Variants in NDUFAF2 observed in about 807,000 individuals in gnomAD.
The protein encoded by NDUFAF2 is NADH:ubiquinone oxidoreductase complex assembly factor 2, also known as NADH dehydrogenase [ubiquinone] 1 alpha subcomplex assembly factor 2.
In NDUFAF2, 13 loss-of-function variants were observed where a neutral mutation model predicts 22.8. The observed-to-expected ratio is 0.57, with a 90% CI of 0.37 to 0.91. NDUFAF2 has a LOEUF of 0.91. Among genes scored for constraint, NDUFAF2 ranks in the 40% least tolerant of loss-of-function variants. The pLI, the probability that NDUFAF2 is intolerant of heterozygous loss-of-function variation, is 0.01. For synonymous variants in NDUFAF2, 53 were observed against 64.2 expected (o/e 0.83, Z 0.84); for missense variants, 162 against 195.2 (o/e 0.83, Z 1.01).
At chr5:61,019,964 A>G (rs1580097778) in intron 1 of NDUFAF2, among the ~76,000 whole-genome samples, 2 of 152,232 alleles carry the variant, frequency 1.3e-5, no homozygotes, top group East Asian at 3.9e-4. Flanking sequence ...TTACAGAAAG[A>G]TTTTTGACTA....
In NDUFAF2 at chr5:61,133,257, A is replaced by G. The variant is rs78102782; in HGVS notation, c.259-19447A>G. Among the ~76,000 whole-genome samples the G allele has an allele frequency of 7.9e-3, 1,200 of 152,146 alleles. 15 individuals carry two copies. The highest frequency in any genetic ancestry group is 0.027 in the African/African-American group (1,121 of 41,506). On this transcript the variant is annotated intron_variant, in intron 3 of 3. Transcript: ENST00000296597. ...GGAATATAACCACCATTATAGCACT[A>G]TTTCTTTGGGGAAAAAAAAGTGTTT...
chr5:61,056,717 G>T (rs748873104), intron 1 of NDUFAF2, among the ~76,000 whole-genome samples: 1 of 150,584 alleles, frequency 6.6e-6, no homozygotes, highest in Non-Finnish European at 1.5e-5. Context: ...GTGAAACCCC[G>T]TCTCTACTAA....
At chr5:61,056,889 CAAAAAAAAAA>C (rs144850054) in intron 1 of NDUFAF2, among the ~76,000 whole-genome samples, 73 of 46,724 alleles carry the variant, frequency 1.6e-3, no homozygotes, top group Middle Eastern at 0.025. Context: ...ACTCTGTCTC[CAAAAAAAAAA>C]AAAAAAAAAA....
At chr5:60,978,649 C>T (rs1401670623) in intron 1 of NDUFAF2, among the ~76,000 whole-genome samples, 1 of 152,152 alleles carries the variant, frequency 6.6e-6, no homozygotes, top group Non-Finnish European at 1.5e-5. Flanking sequence ...CACCAGGTCC[C>T]ATCTCCAACA....
chr5:61,088,291 T>C (rs1752528401), intron 2 of NDUFAF2, among the ~76,000 whole-genome samples: 2 of 152,000 alleles, frequency 1.3e-5, no homozygotes, highest in South Asian at 2.1e-4. Context: ...AGCACATATA[T>C]CCCATCACCT....
In NDUFAF2 at chr5:60,973,253, G is replaced by A. The variant is rs374498057; in HGVS notation, c.127+27871G>A. On this transcript the variant is annotated intron_variant, in intron 1 of 3. Transcript: ENST00000296597. ...TCCTCAAGAAGTGTTCCTGAGTATA[G>A]AGTTCCCTGAGTTCATTCATGTCTG... Among the ~76,000 whole-genome samples the A allele has an allele frequency of 8.5e-5, 13 of 152,216 alleles. No individual in the cohort carries two copies. In the East Asian group the frequency reaches 1.5e-3, roughly 18 times the overall value.
chr5:60,988,312 A>C (rs1751110192), intron 1 of NDUFAF2, among the ~76,000 whole-genome samples: 1 of 152,210 alleles, frequency 6.6e-6, no homozygotes, highest in Admixed American at 6.5e-5. Flanking sequence ...TTTCGTGTTC[A>C]CTGATAGGAA....
At chr5:61,144,281 A>T (rs998425496) in intron 3 of NDUFAF2, among the ~76,000 whole-genome samples, 19 of 152,084 alleles carry the variant, frequency 1.2e-4, no homozygotes, top group Admixed American at 1.2e-3. Flanking sequence ...TAAGGAGAAA[A>T]ATTGGGCTAA....
rs570155308 is a variant in NDUFAF2, at chr5:60,993,104, T to A, written c.127+47722T>A. Among the ~76,000 whole-genome samples the A allele has an allele frequency of 2.0e-5, 3 of 152,308 alleles. No homozygotes were observed. The East Asian group carries it at 5.8e-4, about 29-fold the overall frequency. On this transcript the variant is annotated intron_variant, in intron 1 of 3. Coordinates refer to ENST00000296597, the MANE Select transcript of NDUFAF2 (RefSeq NM_174889.5). ...CAAGAGGTATGTGAGCTAGTGAGTG[T>A]GAGGTGCAGCCACTGCACACAGTCA... is the stretch of plus-strand genomic sequence containing the variant.
intron 1 of NDUFAF2, among the ~76,000 whole-genome samples, chr5:61,029,489 C>T (rs950964462): frequency 6.6e-6 from 1 of 152,086 alleles, no homozygotes; most frequent in African/African-American, 2.4e-5. Context: ...TTAGGTTGCA[C>T]ATTACTGTGT....
At chr5:60,988,169 C>T (rs1751107768) in intron 1 of NDUFAF2, among the ~76,000 whole-genome samples, 1 of 152,114 alleles carries the variant, frequency 6.6e-6, no homozygotes, top group Admixed American at 6.6e-5. Context: ...GGAATGCAAT[C>T]CCATTCACAA....
intron 1 of NDUFAF2, among the ~76,000 whole-genome samples, chr5:61,052,744 G>C (rs1269468958): frequency 6.6e-6 from 1 of 152,054 alleles, no homozygotes; most frequent in Non-Finnish European, 1.5e-5. Flanking sequence ...TTTTTTTCTG[G>C]AGTATTATAA....
chr5:61,108,718 T>C (rs189861015), intron 3 of NDUFAF2, among the ~76,000 whole-genome samples: 1 of 152,298 alleles, frequency 6.6e-6, no homozygotes, highest in East Asian at 1.9e-4. Flanking sequence ...GAAGAGACTG[T>C]CCTTTCCCTA....
intron 3 of NDUFAF2, among the ~76,000 whole-genome samples, chr5:61,139,312 G>A (rs1741015488): frequency 6.6e-6 from 1 of 152,176 alleles, no homozygotes; most frequent in South Asian, 2.1e-4. Context: ...AGCATGATGA[G>A]AAGGTATTGT....
chr5:60,972,940 G>T (rs964478324), intron 1 of NDUFAF2, among the ~76,000 whole-genome samples: 1 of 151,412 alleles, frequency 6.6e-6, no homozygotes, highest in Non-Finnish European at 1.5e-5. Flanking sequence ...AGTTTCTAAT[G>T]ATATCCTTTA....
At chr5:60,968,736 A>G (rs1416362448) in intron 1 of NDUFAF2, among the ~76,000 whole-genome samples, 1 of 152,030 alleles carries the variant, frequency 6.6e-6, no homozygotes, top group Non-Finnish European at 1.5e-5. Context: ...TAGTTATTTT[A>G]AAATGTAAAA....
chr5:61,102,023 G>A (rs1179125118), intron 3 of NDUFAF2, among the ~76,000 whole-genome samples: 2 of 152,024 alleles, frequency 1.3e-5, no homozygotes, highest in African/African-American at 4.8e-5. Context: ...TTTGAGGTAG[G>A]GCCTGAATAT....
intron 1 of NDUFAF2, among the ~76,000 whole-genome samples, chr5:61,041,525 A>T (rs1751882401): frequency 6.6e-6 from 1 of 152,174 alleles, no homozygotes; most frequent in Admixed American, 6.5e-5. Context: ...TAAGAAATAT[A>T]ATTAATATTT....
At chr5:61,132,917 C>G (rs555244244) in intron 3 of NDUFAF2, among the ~76,000 whole-genome samples, 7 of 151,510 alleles carry the variant, frequency 4.6e-5, no homozygotes, top group Middle Eastern at 3.2e-3. Flanking sequence ...CTAGGTTATC[C>G]TCTTAATCCC....
Sources: allele counts gnomAD v4.1 joint callset (sites outside exome capture counted in the v4.1 genomes callset), GRCh38; gene constraint gnomAD v4.1.1; transcripts MANE v1.5; gene names NCBI Gene and HGNC (gene_info 2026-07-23, HGNC 2026-07-21).